The following TVP23C variants were observed in gnomAD, a reference collection of about 807,000 sequenced individuals.
TVP23C encodes trans-golgi network vesicle protein 23 homolog C.
Under a neutral mutation model 28.7 loss-of-function variants are expected in TVP23C, and 19 were observed. The ratio of observed to expected loss-of-function variants is 0.66; its 90% confidence interval spans 0.46 to 0.97. The LOEUF is 0.97. Among genes scored for constraint, TVP23C ranks in the 50% least tolerant of loss-of-function variants. The pLI is 0.00. For missense variants in TVP23C, 186 were observed against 241.3 expected (o/e 0.77, Z 1.52); for synonymous variants, 68 against 81.7 (o/e 0.83, Z 0.90).
downstream of TVP23C, among the ~76,000 whole-genome samples, chr17:15,536,126 G>A (rs866094930): frequency 5.3e-5 from 8 of 151,898 alleles, no homozygotes; most frequent in Admixed American, 2.6e-4. Flanking sequence ...GAGGGCAGAG[G>A]TTGCAATGAT....
Position 15,560,541 on chromosome 17 carries a change from C to G in TVP23C, c.12+2896G>C, listed in dbSNP as rs777585720. 1.5e-4 allele frequency among the ~76,000 whole-genome samples: 23 copies of G among 149,352 alleles called. 3 individuals are homozygous for G. The highest frequency in any genetic ancestry group is 3.1e-4 in the Non-Finnish European group (21 of 66,722). On this transcript the variant is annotated intron_variant, in intron 1 of 5. Transcript: ENST00000518321. ...AAGAATGGAGTGACCAGTGAAAGAGCATGTGGTGTCAAGTTTGTTTTTTTT... is the reference window on the plus strand; with the variant it reads ...AAGAATGGAGTGACCAGTGAAAGAGGATGTGGTGTCAAGTTTGTTTTTTTT...
intron 5 of TVP23C, among the ~76,000 whole-genome samples, chr17:15,542,944 T>C (rs1316896327): frequency 1.3e-5 from 2 of 152,206 alleles, no homozygotes; most frequent in Non-Finnish European, 2.9e-5. Context: ...AAACTGGCTT[T>C]CACATAACCT....
chr17:15,517,974 A>G (rs1317213679), intron 5 of TVP23C, among the ~76,000 whole-genome samples: 3 of 152,132 alleles, frequency 2.0e-5, no homozygotes, highest in East Asian at 3.9e-4. Flanking sequence ...AGGCCATCCT[A>G]GCTAACACTG....
intron 5 of TVP23C, among the ~76,000 whole-genome samples, chr17:15,510,226 T>G (rs2150828496): frequency 6.6e-6 from 1 of 152,232 alleles, no homozygotes; most frequent in African/African-American, 2.4e-5. Flanking sequence ...AGAAGAGAGC[T>G]GGGCTGGAGG....
At chr17:15,519,888 C>A (rs1307818744) in intron 5 of TVP23C, among the ~76,000 whole-genome samples, 2 of 152,174 alleles carry the variant, frequency 1.3e-5, no homozygotes, top group Non-Finnish European at 2.9e-5. Context: ...GGCAACAGAG[C>A]GAGACTCCGT....
At chr17:15,522,205 C>A (rs1197457931) in intron 5 of TVP23C, among the ~76,000 whole-genome samples, 1 of 152,092 alleles carries the variant, frequency 6.6e-6, no homozygotes, top group Non-Finnish European at 1.5e-5. Flanking sequence ...ACTTATGAAA[C>A]ATTTAAGAGA....
intron 3 of TVP23C, among the ~76,000 whole-genome samples, chr17:15,549,026 A>G (rs1262265831): frequency 6.6e-6 from 1 of 152,246 alleles, no homozygotes; most frequent in East Asian, 1.9e-4. Context: ...ACTACTACAC[A>G]TATAACTCAA....
At chr17:15,517,645 C>T (rs896867106) in intron 5 of TVP23C, among the ~76,000 whole-genome samples, 5 of 152,196 alleles carry the variant, frequency 3.3e-5, no homozygotes, top group African/African-American at 9.7e-5. Context: ...ATATCCATCA[C>T]TTGCTTGACA....
intron 5 of TVP23C, among the ~76,000 whole-genome samples, chr17:15,545,477 T>C (rs1366279356): frequency 1.3e-5 from 2 of 152,304 alleles, no homozygotes; most frequent in African/African-American, 4.8e-5. Flanking sequence ...TGGCTGTTGT[T>C]GCTCTAAGCC....
chr17:15,524,008 G>C (rs917142277), intron 5 of TVP23C, among the ~76,000 whole-genome samples: 12 of 152,070 alleles, frequency 7.9e-5, no homozygotes, highest in Admixed American at 2.0e-4. Context: ...CTGCTGAAGA[G>C]AGCTTGGTGC....
intron 5 of TVP23C, 138 bp downstream of exon 5, chr17:15,545,647 A>C: frequency 7.5e-7 from 1 of 1,328,840 alleles, no homozygotes; most frequent in Non-Finnish European, 9.9e-7. Flanking sequence ...GTTGGGAAGC[A>C]AAACTTGGGA....
intron 1 of TVP23C, chr17:15,563,178 A>C (rs1984479623): frequency 1.8e-6 from 1 of 554,276 alleles, no homozygotes; most frequent in African/African-American, 2.0e-5. Context: ...AGAGACCCCC[A>C]CTCGCGCTGG....
downstream of TVP23C, among the ~76,000 whole-genome samples, chr17:15,535,031 T>C (rs2589707): frequency 0.77 from 106,376 of 138,830 alleles, 41,822 homozygotes; most frequent in Middle Eastern, 0.89. Context: ...GTCAATTCAC[T>C]TGTATCCAAG....
At chr17:15,541,329 T>A (rs1211357830) in intron 5 of TVP23C, among the ~76,000 whole-genome samples, 4 of 152,238 alleles carry the variant, frequency 2.6e-5, no homozygotes, top group African/African-American at 9.6e-5. Context: ...AAGGGTCAAA[T>A]CATAAATATT....
intron 1 of TVP23C, 34 bp downstream of exon 1, chr17:15,563,403 C>T (rs1346633463): frequency 2.5e-6 from 4 of 1,582,466 alleles, no homozygotes; most frequent in Non-Finnish European, 3.4e-6. Flanking sequence ...GTCCCAGGAG[C>T]CGCCACCCTC....
At chr17:15,548,935 T>C (rs532193049) in intron 3 of TVP23C, among the ~76,000 whole-genome samples, 1 of 152,334 alleles carries the variant, frequency 6.6e-6, no homozygotes, top group South Asian at 2.1e-4. Context: ...TAGTTCTCTC[T>C]CCTCACACAG....
chr17:15,503,319 C>T, intron 5 of TVP23C: 3 of 1,416,548 alleles, frequency 2.1e-6, no homozygotes, highest in African/African-American at 2.9e-5. Context: ...ATGGGAGGAT[C>T]GCTTCAGCCC....
chr17:15,524,757 C>T (rs543932410), intron 5 of TVP23C, among the ~76,000 whole-genome samples: 31 of 152,284 alleles, frequency 2.0e-4, no homozygotes, highest in African/African-American at 7.2e-4. Context: ...GTGAAACACT[C>T]TTATCTAACC....
intron 5 of TVP23C, among the ~76,000 whole-genome samples, chr17:15,521,553 T>C (rs935137476): frequency 3.9e-5 from 6 of 152,042 alleles, no homozygotes; most frequent in African/African-American, 1.4e-4. Context: ...TTAGTGGGTA[T>C]TGGTATAGGG....
Sources: gnomAD v4.1 joint callset for allele counts (sites outside exome capture counted in the v4.1 genomes callset) on GRCh38, gnomAD v4.1.1 for gene constraint, MANE v1.5 for transcripts, NCBI Gene and HGNC (gene_info 2026-07-23, HGNC 2026-07-21) for gene names.